The following CEP57L1 variants were observed in gnomAD, a reference collection of about 807,000 sequenced individuals.
The protein encoded by CEP57L1 is centrosomal protein 57 like 1.
CEP57L1 carries 37 observed loss-of-function variants against 61.0 expected under a neutral mutation model. The observed-to-expected ratio is 0.61, with a 90% CI of 0.47 to 0.80. The LOEUF (loss-of-function observed/expected upper bound fraction) is 0.80. CEP57L1 is among the 30% of genes least tolerant of loss of function. The pLI is 0.00. For synonymous variants in CEP57L1, 137 were observed against 162.3 expected (o/e 0.84, Z 1.19); for missense variants, 422 against 524.7 (o/e 0.80, Z 1.91).
rs1325187540 is a variant in CEP57L1, at chr6:109,170,723, A to G, written c.*7753A>G. On this transcript the variant is annotated 3_prime_UTR_variant, in exon 11 of 11. Coordinates refer to ENST00000517392, the MANE Select transcript of CEP57L1 (RefSeq NM_001271852.3). ...AACATTTATGGTTTTATAACTTACAATTTCTAGCAAAAGTATCTTTAATAT... is the reference window on the plus strand; with the variant it reads ...AACATTTATGGTTTTATAACTTACAGTTTCTAGCAAAAGTATCTTTAATAT... 2.6e-5 allele frequency among the ~76,000 whole-genome samples: 4 copies of G among 152,220 alleles called. No individual in the cohort carries two copies. Among genetic ancestry groups the G allele is most frequent in the African/African-American group, 4.8e-5 (2 of 41,464 alleles).
rs562418538 is a variant in CEP57L1 at position 109,096,851 on chromosome 6, G to C, written c.-4+1276G>C. 1.6e-4 allele frequency among the ~76,000 whole-genome samples: 25 copies of C among 152,276 alleles called. No individual in the cohort carries two copies. The Middle Eastern group carries it at 0.017, about 104-fold the overall frequency. ...ATAAAGGGTCGGGTAGTTTCTTAAG[G>C]CTGGGTGCCTTTTTATGCCGTAGTT... On this transcript the variant is annotated intron_variant, in intron 1 of 10. Transcript: ENST00000517392.
At chr6:109,142,392 A>G (rs1236035193) in intron 1 of CEP57L1, among the ~76,000 whole-genome samples, 2 of 152,180 alleles carry the variant, frequency 1.3e-5, no homozygotes, top group Non-Finnish European at 1.5e-5. Context: ...GTTCTCACTC[A>G]TAAGTGGGAG....
intron 1 of CEP57L1, among the ~76,000 whole-genome samples, chr6:109,101,617 T>TTTTTC (rs1562492187): frequency 7.9e-6 from 1 of 126,712 alleles, no homozygotes; most frequent in African/African-American, 2.9e-5. Context: ...TTTCTTTTTC[T>TTTTTC]TTTTTCTTTT....
At chr6:109,147,175 AT>A (rs1772059300) in intron 3 of CEP57L1, among the ~76,000 whole-genome samples, 1 of 152,102 alleles carries the variant, frequency 6.6e-6, no homozygotes, top group African/African-American at 2.4e-5. Context: ...AAAAATTAAG[AT>A]TTTAGACAAG....
intron 1 of CEP57L1, among the ~76,000 whole-genome samples, chr6:109,132,497 T>C (rs1774304322): frequency 6.6e-6 from 1 of 152,220 alleles, no homozygotes; most frequent in South Asian, 2.1e-4. Context: ...CCACAGTTTA[T>C]CTGTTTATCC....
intron 7 of CEP57L1, chr6:109,158,581 TA>T (rs1209794808): frequency 2.2e-6 from 1 of 454,730 alleles, no homozygotes; most frequent in East Asian, 6.9e-5. Flanking sequence ...TATGTGAACA[TA>T]AGTTTTCATT....
intron 5 of CEP57L1, 51 bp downstream of exon 5, chr6:109,154,000 C>A (rs1355459754): frequency 1.1e-6 from 1 of 941,910 alleles, no homozygotes; most frequent in South Asian, 1.5e-5. Context: ...TAGTGTTAAG[C>A]ATAATTGGTA....
Position 109,167,112 on chromosome 6 carries a change from T to G in CEP57L1, c.*4142T>G, listed in dbSNP as rs1037558988. Among the ~76,000 whole-genome samples, 1 of 152,264 alleles carries G rather than the reference T, an allele frequency of 6.6e-6. No individual in the cohort carries two copies. Among genetic ancestry groups the G allele is most frequent in the Admixed American group, 6.5e-5 (1 of 15,286 alleles). On this transcript the variant is annotated 3_prime_UTR_variant, in exon 11 of 11. Transcript: ENST00000517392. ...ACTCATCTGAAAATAAATTTACTTC[T>G]TGGTAATTAAATAGACCTTCTCAAT... is the stretch of plus-strand genomic sequence containing the variant.
intron 1 of CEP57L1, among the ~76,000 whole-genome samples, chr6:109,135,311 G>A (rs1185361589): frequency 6.6e-6 from 1 of 152,050 alleles, no homozygotes; most frequent in Non-Finnish European, 1.5e-5. Flanking sequence ...CAAGAAATGG[G>A]GAAAGGATTC....
At chr6:109,155,173 CA>C in intron 5 of CEP57L1, 56 bp from the exon 6 acceptor site, 1 of 1,082,772 alleles carries the variant, frequency 9.2e-7, no homozygotes, top group Admixed American at 2.3e-5. Context: ...GGAAAAGAAA[CA>C]AATGATATTT....
At chr6:109,150,264 G>A (rs1583617851) in intron 4 of CEP57L1, 25 bp downstream of exon 4, 2 of 1,582,280 alleles carry the variant, frequency 1.3e-6, no homozygotes, top group Non-Finnish European at 1.7e-6. Context: ...TATAAGGAAT[G>A]ATAATATAAT....
rs919239882 is a variant in CEP57L1 at position 109,170,795 on chromosome 6, T to C, written c.*7825T>C. Among the ~76,000 whole-genome samples, 1 of 152,188 alleles carries C rather than the reference T, an allele frequency of 6.6e-6. No homozygotes were observed. Among genetic ancestry groups the C allele is most frequent in the African/African-American group, 2.4e-5 (1 of 41,446 alleles). ...TAGCTTATCCAAAATATGTAATACATGTGAGAGAATAGCACTGTTGAAATG... is the reference window on the plus strand; with the variant it reads ...TAGCTTATCCAAAATATGTAATACACGTGAGAGAATAGCACTGTTGAAATG... On this transcript the variant is annotated 3_prime_UTR_variant, in exon 11 of 11. Transcript: ENST00000517392.
intron 1 of CEP57L1, among the ~76,000 whole-genome samples, chr6:109,110,658 G>C (rs1022714364): frequency 1.3e-5 from 2 of 152,108 alleles, no homozygotes; most frequent in Non-Finnish European, 2.9e-5. Context: ...TATGATTTTA[G>C]GTCTTATGTT....
chr6:109,150,337 T>C (rs1772473603), intron 4 of CEP57L1, 98 bp downstream of exon 4: 2 of 1,445,492 alleles, frequency 1.4e-6, no homozygotes, highest in Admixed American at 1.9e-5. Context: ...GGTGGCATAA[T>C]GTTAGAATGA....
intron 1 of CEP57L1, among the ~76,000 whole-genome samples, chr6:109,121,955 T>C (rs1773026222): frequency 6.6e-6 from 1 of 152,206 alleles, no homozygotes; most frequent in Admixed American, 6.5e-5. Flanking sequence ...ATTCAGAATA[T>C]AGCTTGGTAT....
At chr6:109,105,132 T>A (rs1770773518) in intron 1 of CEP57L1, among the ~76,000 whole-genome samples, 1 of 152,126 alleles carries the variant, frequency 6.6e-6, no homozygotes. Flanking sequence ...TTATGTTATA[T>A]ATGTTTCTTT....
At chr6:109,128,493 C>G (rs1773825815) in intron 1 of CEP57L1, among the ~76,000 whole-genome samples, 3 of 152,160 alleles carry the variant, frequency 2.0e-5, no homozygotes, top group African/African-American at 7.2e-5. Context: ...ATTTGTCCAT[C>G]TGCCTATAAT....
At chr6:109,099,633 T>C (rs906492968) in intron 1 of CEP57L1, among the ~76,000 whole-genome samples, 1 of 152,154 alleles carries the variant, frequency 6.6e-6, no homozygotes, top group Non-Finnish European at 1.5e-5. Flanking sequence ...TATTGCAAGC[T>C]CCGCCTCCCA....
Position 109,105,273 on chromosome 6 carries a change from G to A in CEP57L1, c.-4+9698G>A, listed in dbSNP as rs114876916. Among the ~76,000 whole-genome samples the A allele has an allele frequency of 8.3e-3, 1,267 of 151,972 alleles. 24 individuals are homozygous for A. The highest frequency in any genetic ancestry group is 0.029 in the African/African-American group (1,213 of 41,424). On this transcript the variant is annotated intron_variant, in intron 1 of 10. Transcript: ENST00000517392. Reference sequence around the variant, plus strand: ...TCTCTTCTTACCCAAAGTCTGAAACGTACTCTATATTTTCTTCTAAAACAA... The same window carrying A: ...TCTCTTCTTACCCAAAGTCTGAAACATACTCTATATTTTCTTCTAAAACAA...
Sources: gnomAD v4.1 joint callset for allele counts (sites outside exome capture counted in the v4.1 genomes callset) on GRCh38, gnomAD v4.1.1 for gene constraint, MANE v1.5 for transcripts, NCBI Gene and HGNC (gene_info 2026-07-23, HGNC 2026-07-21) for gene names.